PARVB: variants seen among roughly 807,000 people sequenced by gnomAD.
PARVB encodes beta-parvin.
PARVB carries 46 observed loss-of-function variants against 47.0 expected under a neutral mutation model. The ratio of observed to expected loss-of-function variants is 0.98; its 90% confidence interval spans 0.77 to 1.25. The LOEUF is 1.25. Ranked by LOEUF, PARVB falls within the 50% of genes most tolerant of loss-of-function variation. The pLI is 0.00. For synonymous variants in PARVB, 196 were observed against 196.3 expected, an observed-to-expected ratio of 1.00 and a Z score of 0.01; for missense variants, 473 against 471.6, an observed-to-expected ratio of 1.00 and a Z score of -0.03.
upstream of PARVB, among the ~76,000 whole-genome samples, chr22:44,023,468 G>T (rs1441845021): frequency 6.6e-6 from 1 of 151,300 alleles, no homozygotes; most frequent in Non-Finnish European, 1.5e-5. Context: ...CCGAGATTGT[G>T]CCACTGCACT....
chr22:44,027,351 G>T (rs2050747688), intron 1 of PARVB, among the ~76,000 whole-genome samples: 1 of 152,226 alleles, frequency 6.6e-6, no homozygotes, highest in South Asian at 2.1e-4. Flanking sequence ...GCTGCTGGAA[G>T]TCCTCAGAGG....
At position 44,087,714 on chromosome 22, in the gene PARVB, A is replaced by C. The variant is rs1009294272; in HGVS notation, c.113-6214A>C. 2.0e-5 allele frequency among the ~76,000 whole-genome samples: 3 copies of C among 152,258 alleles called. No individual in the cohort carries two copies. The East Asian group carries it at 5.8e-4, about 29-fold the overall frequency. On this transcript the variant is annotated intron_variant, in intron 1 of 12. Transcript: ENST00000338758. ...ACCATACAAAGAAGAAGATTAAAAAAAAAAAAATCAAAGATGGAACTTTCG... is the reference window on the plus strand; with the variant it reads ...ACCATACAAAGAAGAAGATTAAAAACAAAAAAATCAAAGATGGAACTTTCG...
At chr22:44,092,626 G>A (rs577471068) in intron 1 of PARVB, among the ~76,000 whole-genome samples, 1 of 152,142 alleles carries the variant, frequency 6.6e-6, no homozygotes, top group Non-Finnish European at 1.5e-5. Context: ...CATGTGCCAT[G>A]CTCTGGACTG....
intron 6 of PARVB, among the ~76,000 whole-genome samples, chr22:44,135,416 G>A (rs964610149): frequency 2.0e-5 from 3 of 152,050 alleles, no homozygotes; most frequent in African/African-American, 4.8e-5. Flanking sequence ...ATGCCACCAC[G>A]CCCAGCTAAT....
At chr22:44,001,536 T>C (rs1365623240) in intron 2 of PARVB, among the ~76,000 whole-genome samples, 1 of 152,208 alleles carries the variant, frequency 6.6e-6, no homozygotes, top group African/African-American at 2.4e-5. Flanking sequence ...TTGTGCAGTT[T>C]GTTGAATACC....
intron 1 of PARVB, among the ~76,000 whole-genome samples, chr22:44,028,754 G>A (rs2050774847): frequency 6.6e-6 from 1 of 152,176 alleles, no homozygotes; most frequent in African/African-American, 2.4e-5. Flanking sequence ...ATTCACCGGT[G>A]GCGAACGAGA....
chr22:44,026,436 C>T (rs1406966785), intron 1 of PARVB: 11 of 733,388 alleles, frequency 1.5e-5, no homozygotes, highest in Non-Finnish European at 1.8e-5. Flanking sequence ...CAGAGGGCCA[C>T]AAACCCTCCT....
At chr22:44,055,230 C>T (rs1283969728) in intron 1 of PARVB, among the ~76,000 whole-genome samples, 1 of 152,154 alleles carries the variant, frequency 6.6e-6, no homozygotes, top group Non-Finnish European at 1.5e-5. Context: ...CTCCTGTGCG[C>T]CTCCCTCCCC....
At chr22:44,057,456 G>A (rs1047181478) in intron 1 of PARVB, among the ~76,000 whole-genome samples, 1 of 152,112 alleles carries the variant, frequency 6.6e-6, no homozygotes, top group East Asian at 1.9e-4. Flanking sequence ...ACCCAAGAGC[G>A]AGGCCCGAGG....
intron 12 of PARVB, among the ~76,000 whole-genome samples, chr22:44,167,043 TCA>T (rs1601713454): frequency 6.6e-6 from 1 of 152,126 alleles, no homozygotes; most frequent in Non-Finnish European, 1.5e-5. Context: ...CAGAGCAGTC[TCA>T]CACCCCCTGC....
At chr22:44,110,251 C>G (rs1225145630) in intron 3 of PARVB, 2 of 152,076 alleles carry the variant, frequency 1.3e-5, no homozygotes, top group African/African-American at 4.8e-5. Context: ...CTGGGAGAAG[C>G]TGCCAGGCCA....
chr22:44,084,772 G>A (rs898570198), intron 1 of PARVB, among the ~76,000 whole-genome samples: 5 of 152,184 alleles, frequency 3.3e-5, no homozygotes, highest in Non-Finnish European at 5.9e-5. Flanking sequence ...GGAGAGGCCC[G>A]AGACTCCTTC....
chr22:44,056,248 C>T (rs926893724), intron 1 of PARVB, among the ~76,000 whole-genome samples: 9 of 152,324 alleles, frequency 5.9e-5, no homozygotes, highest in Non-Finnish European at 1.0e-4. Context: ...GTGTGGGATC[C>T]CACACCAGGA....
At chr22:44,042,698 T>G (rs1182983909) in intron 1 of PARVB, among the ~76,000 whole-genome samples, 1 of 152,232 alleles carries the variant, frequency 6.6e-6, no homozygotes, top group Non-Finnish European at 1.5e-5. Flanking sequence ...GCAGGGAGAA[T>G]TTCAATCTTA....
rs78647502 is a variant in PARVB, at chr22:44,167,626, C to G, written c.1019-976C>G. 2.6e-3 allele frequency among the ~76,000 whole-genome samples: 394 copies of G among 152,278 alleles called. 1 individual carries two copies. The highest frequency in any genetic ancestry group is 9.1e-3 in the African/African-American group (378 of 41,552). ...CGCCATTCTCCCTCCCCTGCCTCCA[C>G]TGGGCTGTTGGGAGCTGGGGTGGAC... On this transcript the variant is annotated intron_variant, in intron 12 of 12. Transcript: ENST00000338758.
At position 44,122,522 on chromosome 22, in the gene PARVB, G is replaced by C. The variant is rs1336759134; in HGVS notation, c.376+3382G>C. On this transcript the variant is annotated intron_variant, in intron 4 of 12. Transcript: ENST00000338758. ...AGAGAGAGAGAGAGAGAGAGAGACA[G>C]AGAGACAGAGAGAGAGAGAGAGAGA... Among the ~76,000 whole-genome samples, 4 of 78,236 alleles carry C rather than the reference G, an allele frequency of 5.1e-5. No individual in the cohort carries two copies. The East Asian group carries it at 1.0e-3, about 20-fold the overall frequency. The allele number at this position is 78,236 out of a possible 152,430, so 51.3% of individuals were successfully genotyped here.
At chr22:44,164,016 A>T (rs938922211) in intron 12 of PARVB, 86 bp downstream of exon 12, 9 of 1,033,892 alleles carry the variant, frequency 8.7e-6, no homozygotes, top group South Asian at 3.0e-5. Context: ...GAAGGCTGGC[A>T]TGTTGTTCCC....
chr22:44,161,281 G>A (rs1409539753), intron 11 of PARVB, among the ~76,000 whole-genome samples: 1 of 151,282 alleles, frequency 6.6e-6, no homozygotes, highest in African/African-American at 2.4e-5. Flanking sequence ...TTCCATGCCT[G>A]TGAGCCCCGT....
chr22:44,069,146 C>T, intron 1 of PARVB: 6 of 1,612,638 alleles, frequency 3.7e-6, no homozygotes, highest in Non-Finnish European at 4.2e-6. Flanking sequence ...CTGCCGCCAG[C>T]TGCACCCTCC....
Sources: allele counts gnomAD v4.1 joint callset (sites outside exome capture counted in the v4.1 genomes callset), GRCh38; gene constraint gnomAD v4.1.1; transcripts MANE v1.5; gene names NCBI Gene and HGNC (gene_info 2026-07-23, HGNC 2026-07-21).